CBLIF: variants seen among roughly 807,000 people sequenced by gnomAD.
CBLIF encodes the protein cobalamin binding intrinsic factor.
Under a neutral mutation model 44.9 loss-of-function variants are expected in CBLIF, and 24 were observed. The ratio of observed to expected loss-of-function variants is 0.53; its 90% CI spans 0.39 to 0.75. CBLIF has a LOEUF of 0.75. Ranked by LOEUF, CBLIF falls within the 30% of genes least tolerant of loss-of-function variation. CBLIF has a pLI of 0.00. For synonymous variants in CBLIF, 183 were observed against 190.9 expected, an observed-to-expected ratio of 0.96 and a Z score of 0.34; for missense variants, 481 against 513.0, an observed-to-expected ratio of 0.94 and a Z score of 0.60.
At chr11:59,840,442 C>T (rs1333998997) in intron 5 of CBLIF, among the ~76,000 whole-genome samples, 1 of 152,106 alleles carries the variant, frequency 6.6e-6, no homozygotes, top group African/African-American at 2.4e-5. Flanking sequence ...TATTTCTGCC[C>T]ACCACCATTG....
At chr11:59,835,004 A>G (rs780004590) in intron 7 of CBLIF, among the ~76,000 whole-genome samples, 1 of 152,186 alleles carries the variant, frequency 6.6e-6, no homozygotes, top group Non-Finnish European at 1.5e-5. Flanking sequence ...AAAAACTTGC[A>G]AAATGAAGTT....
At chr11:59,835,056 C>T (rs1414485086) in intron 7 of CBLIF, among the ~76,000 whole-genome samples, 1 of 152,190 alleles carries the variant, frequency 6.6e-6, no homozygotes, top group African/African-American at 2.4e-5. Flanking sequence ...TACACTGTCA[C>T]CCAACCTGGT....
chr11:59,837,375 G>A (rs1005981571), intron 5 of CBLIF, 24 bp from the exon 6 acceptor site: 2 of 1,583,438 alleles, frequency 1.3e-6, no homozygotes, highest in Non-Finnish European at 1.7e-6. Flanking sequence ...CAGAAAGAGA[G>A]AGAAAGAGTA....
chr11:59,830,473 C>G (rs1040439411), intron 8 of CBLIF, among the ~76,000 whole-genome samples: 14 of 151,824 alleles, frequency 9.2e-5, no homozygotes, highest in Non-Finnish European at 8.8e-5. Context: ...TCCTGACCTC[C>G]TGATCCGTCC....
At chr11:59,834,311 T>TCTTTCTTTCTTTCTTC (rs1555012146) in intron 7 of CBLIF, among the ~76,000 whole-genome samples, 25 of 35,564 alleles carry the variant, frequency 7.0e-4, no homozygotes, top group South Asian at 1.1e-3. Flanking sequence ...TTTCTTTCTT[T>TCTTTCTTTCTTTCTTC]CTTCCTTCCT....
intron 2 of CBLIF, 68 bp downstream of exon 2, chr11:59,843,811 G>A (rs1029711713): frequency 1.1e-5 from 13 of 1,198,870 alleles, no homozygotes; most frequent in Non-Finnish European, 1.5e-5. Context: ...AGGACGCTGA[G>A]TTGGAATCTG....
Position 59,837,315 on chromosome 11 carries a change from A to G in CBLIF, c.730T>C (p.Trp244Arg), listed in dbSNP as rs1446568074. Residue 244 changes from tryptophan to arginine, a missense_variant, in exon 6 of 9, where the codon TGG becomes CGG. Trp to Arg is a moderately radical substitution (Grantham distance 101). Transcript: ENST00000257248. Reference protein sequence around the residue: ...SVTPEPSKKEWNCKKTTDMIL... With the variant: ...SVTPEPSKKERNCKKTTDMIL... ...ATATCCGTAGTCTTCTTGCAGTTCC[A>G]TTCCTTTTTAGATGGCTCAGGTGTT... is the stretch of plus-strand genomic sequence containing the variant. The G allele has an allele frequency of 1.2e-6, 2 of 1,613,394 alleles. No individual in the cohort carries two copies. The highest frequency in any genetic ancestry group is 2.2e-5 in the East Asian group (1 of 44,880).
At position 59,841,246 on chromosome 11, in the gene CBLIF, G is replaced by T. The variant is rs1453797648; in HGVS notation, c.590C>A (p.Ser197Tyr). 6.2e-7 allele frequency: 1 copy of T among 1,612,916 alleles called. No individual in the cohort carries two copies. Reference protein sequence around the residue: ...IPVGSEEGYRSLFGQVLKDIV... With the variant: ...IPVGSEEGYRYLFGQVLKDIV... ...ATCCTTTAGTACCTGACCAAACAGG[G>T]ATCTGTAACCTTCCTCTGAACCTAC... Residue 197 changes from serine (S) to tyrosine (Y), a missense_variant, in exon 5 of 9, where the codon TCC becomes TAC. By Grantham distance (144) the Ser-to-Tyr change is moderately radical. Transcript: ENST00000257248.
At position 59,835,147 on chromosome 11, in the gene CBLIF, C is replaced by CT. The variant is rs11307656; in HGVS notation, c.1073+660dup. 1.0e-2 allele frequency among the ~76,000 whole-genome samples: 1,412 copies of CT among 141,248 alleles called. 15 individuals carry two copies. Among genetic ancestry groups the CT allele is most frequent in the Non-Finnish European group, 0.013 (844 of 64,678 alleles). The allele number at this position is 141,248 out of a possible 152,430, so 92.7% of individuals were successfully genotyped here. A position where few individuals can be genotyped will look rare whatever the true frequency, so the allele number is the denominator to read the frequency against. ...TGCTTTGTTCTGGCCATTTCTTTTC[C>CT]TTTTTTTTTTTTTTTGAGATGAAGT... On this transcript the variant is annotated intron_variant, in intron 7 of 8. Transcript: ENST00000257248.
intron 7 of CBLIF, among the ~76,000 whole-genome samples, chr11:59,834,041 C>T (rs576291498): frequency 1.5e-4 from 23 of 152,238 alleles, no homozygotes; most frequent in African/African-American, 5.3e-4. Context: ...AGGGTTCTAT[C>T]TGTAAAATGA....
chr11:59,834,284 CTTTCTTTCTTT>C (rs1866418316), intron 7 of CBLIF, among the ~76,000 whole-genome samples: 1 of 137,056 alleles, frequency 7.3e-6, no homozygotes, highest in African/African-American at 2.7e-5. Flanking sequence ...TTCTTTCTTT[CTTTCTTTCTTT>C]CTTTCTTTCT....
At chr11:59,839,894 A>T (rs1866501715) in intron 5 of CBLIF, among the ~76,000 whole-genome samples, 1 of 102,416 alleles carries the variant, frequency 9.8e-6, no homozygotes, top group South Asian at 2.4e-4. Context: ...AGTCACACAT[A>T]AAAAAAAAAA....
At chr11:59,830,374 C>T (rs1866358132) in intron 8 of CBLIF, among the ~76,000 whole-genome samples, 2 of 151,590 alleles carry the variant, frequency 1.3e-5, no homozygotes, top group South Asian at 4.2e-4. Flanking sequence ...GTAGCTGGGA[C>T]TACAGGCACC....
chr11:59,845,256 C>A, intron 1 of CBLIF, 119 bp downstream of exon 1: 1 of 1,460,638 alleles, frequency 6.8e-7, no homozygotes, highest in Non-Finnish European at 9.5e-7. Context: ...CACACTCAGA[C>A]TTACCCATTT....
chr11:59,832,812 C>T (rs1866389896), intron 7 of CBLIF, among the ~76,000 whole-genome samples: 1 of 152,014 alleles, frequency 6.6e-6, no homozygotes, highest in Non-Finnish European at 1.5e-5. Flanking sequence ...AATGTAAATT[C>T]CCCCAAATGG....
At chr11:59,838,284 A>G (rs1465453324) in intron 5 of CBLIF, among the ~76,000 whole-genome samples, 1 of 152,250 alleles carries the variant, frequency 6.6e-6, no homozygotes, top group Admixed American at 6.5e-5. Context: ...TGAATAAAAT[A>G]GAAATAATAA....
In CBLIF at chr11:59,835,697, T is replaced by C. The variant is rs1866445832; in HGVS notation, c.1073+111A>G. 3.5e-6 allele frequency: 3 copies of C among 846,798 alleles called. No homozygotes were observed. In the South Asian group the frequency reaches 4.0e-5, roughly 11 times the overall value. The allele number at this position is 846,798 out of a possible 1,614,324, so 52.5% of individuals were successfully genotyped here. A position where few individuals can be genotyped will look rare whatever the true frequency, so the allele number is the denominator to read the frequency against. ...AGATTGAAAGCTGCTCAAGCGCTAT[T>C]AAATAAAAATCTGTTATCAAAAGGA... On this transcript the variant is annotated intron_variant, in intron 7 of 8. Transcript: ENST00000257248.
intron 7 of CBLIF, among the ~76,000 whole-genome samples, chr11:59,834,303 T>TCTTCCTTCCTTCCTTCCTTCCTTCCTTC (rs1211612826): frequency 1.2e-5 from 1 of 81,784 alleles, no homozygotes; most frequent in African/African-American, 5.7e-5. Flanking sequence ...TTTCTTTCTT[T>TCTTCCTTCCTTCCTTCCTTCCTTCCTTC]CTTTCTTTCT....
chr11:59,845,237 G>A, intron 1 of CBLIF, 138 bp downstream of exon 1: 3 of 1,229,104 alleles, frequency 2.4e-6, no homozygotes, highest in South Asian at 1.2e-5. Flanking sequence ...AGGATGAACA[G>A]CACACAATCA....
Sources: gnomAD v4.1 joint callset for allele counts (sites outside exome capture counted in the v4.1 genomes callset) on GRCh38, gnomAD v4.1.1 for gene constraint, MANE v1.5 for transcripts, NCBI Gene and HGNC (gene_info 2026-07-23, HGNC 2026-07-21) for gene names.